Variants in TDRD1 observed in about 807,000 individuals in gnomAD.
TDRD1 encodes the protein tudor domain-containing protein 1.
Under a neutral mutation model 140.6 loss-of-function variants are expected in TDRD1, and 37 were observed. The observed-to-expected ratio is 0.26, with a 90% CI of 0.20 to 0.35. TDRD1 has a LOEUF of 0.35. Among genes scored for constraint, TDRD1 ranks in the 10% least tolerant of loss-of-function variants. The probability of loss-of-function intolerance (pLI) is 1.00; values close to 1 mark genes in which losing one functional copy is unlikely to be tolerated. For synonymous variants in TDRD1, 506 were observed against 475.7 expected (o/e 1.06, Z -0.83); for missense variants, 1,243 against 1,393.0 (o/e 0.89, Z 1.71).
At chr10:114,210,581 G>T in exon 12 of TDRD1, 1 of 1,582,472 alleles carries the variant, frequency 6.3e-7, no homozygotes, top group Non-Finnish European at 8.6e-7. Context: ...TTCTGATAAG[G>T]TGATCCTGAA....
intron 3 of TDRD1, among the ~76,000 whole-genome samples, chr10:114,192,044 C>CTAGG (rs1305871733): frequency 2.0e-5 from 3 of 147,902 alleles, no homozygotes; most frequent in Non-Finnish European, 4.5e-5. Context: ...TGTCTTTTGT[C>CTAGG]TATTTTCTAA....
At chr10:114,176,353 A>G (rs1434708990), upstream of TDRD1, among the ~76,000 whole-genome samples, 2 of 152,316 alleles carry the variant, frequency 1.3e-5, no homozygotes, top group Non-Finnish European at 2.9e-5. This position sits in a 1 kb window ranked among gnomAD's most constrained non-coding sequence, Gnocchi z 4.2. Context: ...CAGGATTTAA[A>G]GAGAAACCCC....
intron 2 of TDRD1, among the ~76,000 whole-genome samples, chr10:114,189,078 G>T (rs1355494344): frequency 1.3e-5 from 2 of 152,122 alleles, no homozygotes; most frequent in African/African-American, 4.8e-5. Context: ...TATACTAATG[G>T]TGCAAAAGCA....
intron 1 of TDRD1, among the ~76,000 whole-genome samples, chr10:114,186,424 T>TG (rs1042550963): frequency 6.6e-6 from 1 of 152,028 alleles, no homozygotes; most frequent in Non-Finnish European, 1.5e-5. Flanking sequence ...CCACCACGCC[T>TG]GGCTAATTTT....
chr10:114,219,670 C>G (rs749468041), intron 18 of TDRD1, among the ~76,000 whole-genome samples: 20 of 151,328 alleles, frequency 1.3e-4, no homozygotes, highest in South Asian at 2.1e-4. Flanking sequence ...TCACTGCAAC[C>G]TCTGCCTCCC....
At chr10:114,188,772 G>A (rs866538993) in intron 2 of TDRD1, among the ~76,000 whole-genome samples, 36 of 151,488 alleles carry the variant, frequency 2.4e-4, no homozygotes, top group African/African-American at 7.5e-4. Flanking sequence ...CAGGAGAATC[G>A]CTTGAACCTG....
chr10:114,221,756 C>A (rs1019882805), intron 20 of TDRD1, among the ~76,000 whole-genome samples: 1 of 152,162 alleles, frequency 6.6e-6, no homozygotes, highest in African/African-American at 2.4e-5. Flanking sequence ...TTAAAAAACA[C>A]ATTATCTATA....
chr10:114,188,276 G>T (rs926874385), intron 2 of TDRD1, 120 bp downstream of exon 2: 8 of 810,362 alleles, frequency 9.9e-6, no homozygotes, highest in Non-Finnish European at 1.1e-5. Flanking sequence ...CTACCTTACC[G>T]TATTTGCATT....
chr10:114,197,942 C>T (rs947123472), intron 3 of TDRD1, among the ~76,000 whole-genome samples: 3 of 152,186 alleles, frequency 2.0e-5, no homozygotes, highest in Non-Finnish European at 4.4e-5. Flanking sequence ...AGGCGTGAGC[C>T]ACCACACCCA....
intron 3 of TDRD1, among the ~76,000 whole-genome samples, chr10:114,196,833 CTTTTTTTTT>C (rs36124319): frequency 0.016 from 769 of 48,298 alleles, 5 homozygotes; most frequent in African/African-American, 0.069. Flanking sequence ...TTCTAGCAGT[CTTTTTTTTT>C]TTTTTTTTTT....
At chr10:114,199,467 C>A in intron 4 of TDRD1, 150 bp downstream of exon 4, 2 of 975,150 alleles carry the variant, frequency 2.1e-6, no homozygotes, top group Non-Finnish European at 2.9e-6. Flanking sequence ...CAGCATCCTG[C>A]TGTTCCTCTT....
At chr10:114,209,549 A>C (rs956534453) in intron 11 of TDRD1, among the ~76,000 whole-genome samples, 4 of 152,340 alleles carry the variant, frequency 2.6e-5, no homozygotes, top group South Asian at 2.1e-4. Flanking sequence ...ATTTGAGCCT[A>C]TCTCTTAACT....
At chr10:114,229,650 G>C (rs113191449) in intron 25 of TDRD1, among the ~76,000 whole-genome samples, 1 of 146,876 alleles carries the variant, frequency 6.8e-6, no homozygotes, top group Non-Finnish European at 1.5e-5. Context: ...CCAGGTTCAC[G>C]CAATTCTCCC....
At chr10:114,179,005 GTTGA>G (rs2119843113), upstream of TDRD1, among the ~76,000 whole-genome samples, 1 of 152,368 alleles carries the variant, frequency 6.6e-6, no homozygotes, top group African/African-American at 2.4e-5. Context: ...GGCAGAGGCT[GTTGA>G]TTATTTGGAA....
At chr10:114,201,351 G>T in intron 4 of TDRD1, 59 bp from the exon 5 acceptor site, 1 of 1,360,694 alleles carries the variant, frequency 7.3e-7, no homozygotes, top group Non-Finnish European at 1.1e-6. Context: ...TTGCTAAAGT[G>T]TGGACTTTGA....
intron 14 of TDRD1, 94 bp from the exon 15 acceptor site, chr10:114,213,252 A>G (rs1055782573): frequency 1.5e-5 from 18 of 1,171,782 alleles, no homozygotes; most frequent in African/African-American, 1.4e-4. Flanking sequence ...AGTGTTTGCC[A>G]TAGGTTTCTT....
exon 26 of TDRD1, chr10:114,231,892 G>A (rs992406422): frequency 3.3e-5 from 6 of 181,850 alleles, no homozygotes; most frequent in Non-Finnish European, 1.1e-5. Context: ...AGGTTACAGT[G>A]AGCTATGATA....
At chr10:114,209,237 A>G (rs917395599) in intron 11 of TDRD1, among the ~76,000 whole-genome samples, 7 of 152,178 alleles carry the variant, frequency 4.6e-5, no homozygotes, top group Admixed American at 1.3e-4. Flanking sequence ...TAAAAAAACA[A>G]TAACTCATGG....
At position 114,191,158 on chromosome 10, in the gene TDRD1, G is replaced by GA. The variant is rs2033934740; in HGVS notation, c.384+143dup. Reference sequence around the variant, plus strand: ...TCTTTTATGTACATTTTTAAAAAAAGAAAACTTTCTTAGGTTATTGTAGAT... The same window carrying GA: ...TCTTTTATGTACATTTTTAAAAAAAGAAAAACTTTCTTAGGTTATTGTAGAT... On this transcript the variant is annotated intron_variant, in intron 3 of 25. Coordinates refer to ENST00000251864, the Ensembl canonical transcript of TDRD1. 5 of 938,654 alleles carry GA rather than the reference G, an allele frequency of 5.3e-6. No homozygotes were observed. The South Asian group carries it at 9.4e-5, about 18-fold the overall frequency. The allele number at this position is 938,654 out of a possible 1,614,324, so 58.1% of individuals were successfully genotyped here. A position where few individuals can be genotyped will look rare whatever the true frequency, so the allele number is the denominator to read the frequency against.
Sources: allele counts gnomAD v4.1 joint callset (sites outside exome capture counted in the v4.1 genomes callset), GRCh38; gene constraint gnomAD v4.1.1; non-coding constraint Gnocchi (gnomAD v3.1); transcripts MANE v1.5; gene names NCBI Gene and HGNC (gene_info 2026-07-23, HGNC 2026-07-21).